Variants in DCAF10 observed in about 807,000 individuals in gnomAD.
DCAF10 encodes the protein DDB1 and CUL4 associated factor 10, also known as DDB1- and CUL4-associated factor 10.
DCAF10 carries 19 observed loss-of-function variants against 51.9 expected under a neutral mutation model. The observed-to-expected ratio is 0.37, with a 90% CI of 0.26 to 0.54. The LOEUF (loss-of-function observed/expected upper bound fraction) is 0.54. DCAF10 is among the 20% of genes least tolerant of loss of function. The pLI is 0.87. For missense variants in DCAF10, 510 were observed against 730.6 expected (o/e 0.70, Z 3.48); for synonymous variants, 291 against 297.1 (o/e 0.98, Z 0.21).
intron 3 of DCAF10, among the ~76,000 whole-genome samples, chr9:37,852,826 T>C (rs1245385372): frequency 2.6e-5 from 4 of 151,416 alleles, no homozygotes; most frequent in Admixed American, 2.6e-4. Context: ...TTGTACAACA[T>C]GATGACCACT....
chr9:37,854,935 T>A lies in DCAF10; in HGVS notation c.1007T>A (p.Val336Glu). 6.2e-7 allele frequency: 1 copy of A among 1,613,884 alleles called. No individual in the cohort carries two copies. Among genetic ancestry groups the A allele is most frequent in the South Asian group, 1.1e-5 (1 of 91,004 alleles). Reference protein sequence around the residue: ...HDLDLTKSLEVGSYPILRARR... With the variant: ...HDLDLTKSLEEGSYPILRARR... The stretch of plus-strand genomic sequence containing the variant: ...CTTGACTTAACTAAGTCTTTAGAAG[T>A]AGGCAGCTATCCCATTTTAAGAGCA... Residue 336 changes from valine to glutamate, a missense_variant, in exon 4 of 7, where the codon GTA becomes GAA. Physicochemically the swap from Val to Glu is moderately radical, Grantham distance 121. Coordinates refer to ENST00000377724, the MANE Select transcript of DCAF10 (RefSeq NM_024345.5).
intron 1 of DCAF10, among the ~76,000 whole-genome samples, chr9:37,808,509 TA>T (rs1829197555): frequency 8.3e-6 from 1 of 120,332 alleles, no homozygotes; most frequent in African/African-American, 3.2e-5. Flanking sequence ...ATAAAACATA[TA>T]TTTATATAAT....
chr9:37,858,726 C>T (rs938138953), intron 5 of DCAF10, among the ~76,000 whole-genome samples: 3 of 152,224 alleles, frequency 2.0e-5, no homozygotes, highest in African/African-American at 4.8e-5. Context: ...TATGTTAACA[C>T]TATCCTTTGG....
Position 37,801,180 on chromosome 9 carries a change from A to G in DCAF10, c.314A>G (p.Lys105Arg). ...CRRPGPDCRA[K>R]SRGRHGLGAG... Reference sequence around the variant, plus strand: ...CGGCCCGGGCCAGACTGCAGGGCCAAGAGCCGGGGCCGACACGGCCTCGGC... The same window carrying G: ...CGGCCCGGGCCAGACTGCAGGGCCAGGAGCCGGGGCCGACACGGCCTCGGC... Residue 105 changes from lysine to arginine, a missense_variant, in exon 1 of 7, where the codon AAG (lysine) becomes AGG (arginine). Physicochemically the swap from Lys to Arg is conservative, Grantham distance 26. Transcript: ENST00000377724. This position sits in a 1 kb window ranked among gnomAD's most constrained non-coding sequence, Gnocchi z 5.5. The G allele has an allele frequency of 6.5e-7, 1 of 1,542,320 alleles. No individual in the cohort carries two copies. Among genetic ancestry groups the G allele is most frequent in the Non-Finnish European group, 8.7e-7 (1 of 1,145,952 alleles).
At chr9:37,827,696 G>C (rs1472566444) in intron 2 of DCAF10, among the ~76,000 whole-genome samples, 1 of 152,170 alleles carries the variant, frequency 6.6e-6, no homozygotes. Flanking sequence ...CTTCTGTTTT[G>C]ACAAGTATGA....
At chr9:37,808,882 A>G (rs1160849083) in intron 1 of DCAF10, among the ~76,000 whole-genome samples, 2 of 146,384 alleles carry the variant, frequency 1.4e-5, no homozygotes, top group African/African-American at 5.0e-5. Flanking sequence ...ACTTTGGAAA[A>G]CTGAGGTGGG....
intron 3 of DCAF10, among the ~76,000 whole-genome samples, chr9:37,854,216 C>T (rs1402800360): frequency 6.6e-6 from 1 of 152,060 alleles, no homozygotes; most frequent in Admixed American, 6.6e-5. Context: ...CCTCCCACCT[C>T]AGCCTCCTGA....
In DCAF10 at chr9:37,801,017, G is replaced by A. The variant is rs751906495; in HGVS notation, c.151G>A (p.Ala51Thr). 6.5e-7 allele frequency: 1 copy of A among 1,538,504 alleles called. No individual in the cohort carries two copies. The highest frequency in any genetic ancestry group is 1.2e-5 in the South Asian group (1 of 83,302). The change falls in exon 1 of 7, where the codon GCC becomes ACC. Residue 51 changes from alanine to threonine, a missense_variant. Ala to Thr is a moderately conservative substitution (Grantham distance 58, BLOSUM62 0). Coordinates refer to ENST00000377724, the MANE Select transcript of DCAF10 (RefSeq NM_024345.5). The surrounding 1 kb of genome is among the most constrained non-coding windows in gnomAD (Gnocchi z 5.5). ...GADATHPPPP[A>T]RSPRRPGAPS... Reference sequence around the variant, plus strand: ...TGATGCGACCCATCCCCCTCCACCCGCCCGAAGCCCTCGCCGCCCCGGCGC... The same window carrying A: ...TGATGCGACCCATCCCCCTCCACCCACCCGAAGCCCTCGCCGCCCCGGCGC...
Position 37,801,523 on chromosome 9 carries a change from C to T in DCAF10, c.539+118C>T. 4.1e-6 allele frequency: 5 copies of T among 1,217,724 alleles called. No homozygotes were observed. Among genetic ancestry groups the T allele is most frequent in the Non-Finnish European group, 4.2e-6 (4 of 943,692 alleles). The allele number at this position is 1,217,724 out of a possible 1,614,324, so 75.4% of individuals were successfully genotyped here. A position where few individuals can be genotyped will look rare whatever the true frequency, so the allele number is the denominator to read the frequency against. ...CGAGGTTAGCGAGGCCGTTTGGGGC[C>T]GCTGGCCTTCGTGCCTCCTGGCACT... On this transcript the variant is annotated intron_variant, in intron 1 of 6. Transcript: ENST00000377724. The surrounding 1 kb of genome is among the most constrained non-coding windows in gnomAD (Gnocchi z 5.5).
intron 1 of DCAF10, 36 bp from the exon 2 acceptor site, chr9:37,819,251 GA>G (rs1256590020): frequency 4.6e-6 from 7 of 1,532,102 alleles, no homozygotes; most frequent in Non-Finnish European, 6.3e-6. Flanking sequence ...GCGAATGCTA[GA>G]AAACTAAACA....
At chr9:37,859,952 G>T in intron 5 of DCAF10, 96 bp from the exon 6 acceptor site, 1 of 1,421,580 alleles carries the variant, frequency 7.0e-7, no homozygotes, top group South Asian at 1.3e-5. Flanking sequence ...AAGGAATGAC[G>T]GCATGGGAGG....
intron 1 of DCAF10, among the ~76,000 whole-genome samples, chr9:37,818,087 G>T (rs771958684): frequency 2.0e-4 from 30 of 152,070 alleles, no homozygotes; most frequent in Non-Finnish European, 1.5e-4. Context: ...CCGCCTCCTG[G>T]GTTCAAGCGA....
intron 3 of DCAF10, among the ~76,000 whole-genome samples, 194 bp from the exon 4 acceptor site, chr9:37,854,586 C>T (rs1236791169): frequency 6.6e-6 from 1 of 152,136 alleles, no homozygotes; most frequent in Non-Finnish European, 1.5e-5. Context: ...CTGTATCTTA[C>T]TATTAACCGT....
chr9:37,854,443 A>G (rs749435913), intron 3 of DCAF10, among the ~76,000 whole-genome samples: 4 of 152,120 alleles, frequency 2.6e-5, no homozygotes, highest in Non-Finnish European at 5.9e-5. Flanking sequence ...GTAACTGCAC[A>G]TATTTACAGG....
intron 3 of DCAF10, among the ~76,000 whole-genome samples, chr9:37,843,744 T>G (rs1830398949): frequency 6.6e-6 from 1 of 152,178 alleles, no homozygotes; most frequent in Non-Finnish European, 1.5e-5. Context: ...AGGAAAAATA[T>G]TTTTTGTTAT....
At chr9:37,810,964 A>G (rs1829327913) in intron 1 of DCAF10, among the ~76,000 whole-genome samples, 1 of 152,154 alleles carries the variant, frequency 6.6e-6, no homozygotes, top group Non-Finnish European at 1.5e-5. Flanking sequence ...ACGTAGATTA[A>G]GAAGACCTCA....
intron 1 of DCAF10, among the ~76,000 whole-genome samples, chr9:37,817,868 A>C (rs1202837744): frequency 6.6e-6 from 1 of 152,212 alleles, no homozygotes; most frequent in Non-Finnish European, 1.5e-5. Context: ...ACAAATATTA[A>C]TTTGAATATT....
chr9:37,857,906 T>C (rs1332264531), intron 5 of DCAF10, among the ~76,000 whole-genome samples: 1 of 152,200 alleles, frequency 6.6e-6, no homozygotes, highest in Non-Finnish European at 1.5e-5. Flanking sequence ...ACCCCCCCAG[T>C]TGAAATGGTT....
In DCAF10 at chr9:37,801,006, C is replaced by T. The variant is rs1046355404; in HGVS notation, c.140C>T (p.Pro47Leu). Residue 47 changes from proline (P) to leucine (L), a missense_variant, in exon 1 of 7, where the codon CCC becomes CTC. This residue lies in a region of DCAF10 where 251 missense variants were observed against 227.9 expected (regional missense o/e 1.10). Transcript: ENST00000377724. The surrounding 1 kb of genome is among the most constrained non-coding windows in gnomAD (Gnocchi z 5.5). ...CATCCCGGGGCTGATGCGACCCATCCCCCTCCACCCGCCCGAAGCCCTCGC... is the reference window on the plus strand; with the variant it reads ...CATCCCGGGGCTGATGCGACCCATCTCCCTCCACCCGCCCGAAGCCCTCGC... Reference protein sequence around the residue: ...PLHPGADATHPPPPARSPRRP... With the variant: ...PLHPGADATHLPPPARSPRRP... The T allele has an allele frequency of 2.6e-6, 4 of 1,534,472 alleles. No individual in the cohort carries two copies. The highest frequency in any genetic ancestry group is 2.6e-6 in the Non-Finnish European group (3 of 1,150,936).
Sources: allele counts gnomAD v4.1 joint callset (sites outside exome capture counted in the v4.1 genomes callset), GRCh38; gene constraint gnomAD v4.1.1; regional missense constraint gnomAD v4.1.1; non-coding constraint Gnocchi (gnomAD v3.1); transcripts MANE v1.5; gene names NCBI Gene and HGNC (gene_info 2026-07-23, HGNC 2026-07-21).